UNC5C: variants seen among roughly 807,000 people sequenced by gnomAD.
UNC5C encodes the protein unc-5 netrin receptor C.
In UNC5C, 47 loss-of-function variants were observed where a neutral mutation model predicts 99.8. The observed-to-expected ratio is 0.47, with a 90% confidence interval of 0.37 to 0.60. The LOEUF is 0.60. UNC5C is among the 20% of genes least tolerant of loss of function. The pLI is 0.00. For synonymous variants in UNC5C, 487 were observed against 452.2 expected (o/e 1.08, Z -0.98); for missense variants, 1,062 against 1,165.9 (o/e 0.91, Z 1.30).
At chr4:95,192,426 C>T (rs1737180920) in intron 12 of UNC5C, among the ~76,000 whole-genome samples, 1 of 125,158 alleles carries the variant, frequency 8.0e-6, no homozygotes, top group Non-Finnish European at 1.7e-5. Flanking sequence ...TCACCTCCTC[C>T]CCTGTTCACC....
At chr4:95,423,363 G>A (rs761377109) in intron 1 of UNC5C, among the ~76,000 whole-genome samples, 4 of 152,186 alleles carry the variant, frequency 2.6e-5, no homozygotes, top group Non-Finnish European at 4.4e-5. Flanking sequence ...TTTCTGTATG[G>A]CAGGAGAAAG....
chr4:95,175,639 G>A (rs1030371124), intron 14 of UNC5C, among the ~76,000 whole-genome samples: 2 of 152,104 alleles, frequency 1.3e-5, no homozygotes, highest in Non-Finnish European at 2.9e-5. Flanking sequence ...GCTTCCCTTT[G>A]TGGGTAACCC....
At position 95,219,061 on chromosome 4, in the gene UNC5C, T is replaced by C. The variant is rs1344516387; in HGVS notation, c.1553A>G (p.Lys518Arg). Residue 518 changes from lysine to arginine, a missense_variant, in exon 9 of 16, where the codon AAG becomes AGG. This residue lies in a region of UNC5C where 810 missense variants were observed against 854.5 expected (regional missense o/e 0.95). Transcript: ENST00000453304. ...AGTCTGCCTTGCTAGACTCTGGTTC[T>C]TCAGGCTGAGGGCTTCATTCTCCAA... ...SLLENEALSLKNQSLARQTDP... is the reference protein window; with the variant it reads ...SLLENEALSLRNQSLARQTDP... The C allele has an allele frequency of 6.2e-7, 1 of 1,614,208 alleles. No individual in the cohort carries two copies. Among genetic ancestry groups the C allele is most frequent in the Admixed American group, 1.7e-5 (1 of 60,016 alleles).
At chr4:95,501,466 C>A (rs1035676030) in intron 1 of UNC5C, among the ~76,000 whole-genome samples, 1 of 152,032 alleles carries the variant, frequency 6.6e-6, no homozygotes, top group Non-Finnish European at 1.5e-5. Context: ...TTTTTTGTTA[C>A]TAATTAGCTT....
intron 4 of UNC5C, among the ~76,000 whole-genome samples, chr4:95,266,459 C>G (rs562124083): frequency 6.6e-6 from 1 of 152,284 alleles, no homozygotes; most frequent in East Asian, 1.9e-4. Context: ...AGGACTAGAG[C>G]ATATTGACAG....
At chr4:95,539,282 G>A (rs1044167634) in intron 1 of UNC5C, among the ~76,000 whole-genome samples, 3 of 152,142 alleles carry the variant, frequency 2.0e-5, no homozygotes, top group African/African-American at 7.2e-5. Flanking sequence ...TCTCCTCCAC[G>A]GCTTTGAAAC....
intron 11 of UNC5C, among the ~76,000 whole-genome samples, chr4:95,206,096 G>A (rs1189405594): frequency 3.3e-5 from 5 of 151,606 alleles, no homozygotes; most frequent in African/African-American, 9.7e-5. Flanking sequence ...CGCCTCCCGG[G>A]TTCAAGCGGT....
intron 2 of UNC5C, among the ~76,000 whole-genome samples, chr4:95,322,892 C>T (rs1316466966): frequency 6.8e-6 from 1 of 148,028 alleles, no homozygotes; most frequent in African/African-American, 2.5e-5. Flanking sequence ...GAGCCGAGAT[C>T]ATGCCACTGC....
chr4:95,167,966 T>C lies in UNC5C; in HGVS notation c.*1268A>G, dbSNP rs957658596. On this transcript the variant is annotated 3_prime_UTR_variant, in exon 16 of 16. Transcript: ENST00000453304. ...AGTGAGGACACTGAGGTCGTGTGGTTAAATGACTTTCTCAAGGTGGCGCAA... is the reference window on the plus strand; with the variant it reads ...AGTGAGGACACTGAGGTCGTGTGGTCAAATGACTTTCTCAAGGTGGCGCAA... 6.6e-6 allele frequency: 1 copy of C among 152,176 alleles called. No homozygotes were observed. Among genetic ancestry groups the C allele is most frequent in the African/African-American group, 2.4e-5 (1 of 41,440 alleles). The allele number at this position is 152,176 out of a possible 1,614,324, so 9.4% of individuals were successfully genotyped here.
chr4:95,205,758 A>T (rs1420801664), intron 11 of UNC5C, among the ~76,000 whole-genome samples: 2 of 152,194 alleles, frequency 1.3e-5, no homozygotes, highest in African/African-American at 4.8e-5. Context: ...GGGTTCTAAT[A>T]TAAAGAACTA....
intron 1 of UNC5C, among the ~76,000 whole-genome samples, chr4:95,373,778 G>T (rs191666984): frequency 6.6e-6 from 1 of 152,216 alleles, no homozygotes; most frequent in East Asian, 1.9e-4. Context: ...ATGTGGGAAG[G>T]GGGTGGCGAG....
chr4:95,376,657 C>T (rs1466348707), intron 1 of UNC5C, among the ~76,000 whole-genome samples: 2 of 152,068 alleles, frequency 1.3e-5, no homozygotes, highest in Non-Finnish European at 2.9e-5. Context: ...AAAATACAGT[C>T]ATTTGACATA....
At chr4:95,345,022 G>A (rs532093917) in intron 1 of UNC5C, among the ~76,000 whole-genome samples, 1 of 103,134 alleles carries the variant, frequency 9.7e-6, no homozygotes, top group Non-Finnish European at 2.3e-5. Context: ...ACTATGAATT[G>A]ATTAAACCAA....
intron 1 of UNC5C, among the ~76,000 whole-genome samples, chr4:95,484,861 A>C (rs1354508132): frequency 2.0e-5 from 3 of 151,852 alleles, no homozygotes; most frequent in Admixed American, 2.0e-4. Context: ...ATTCTGGATA[A>C]GTTTTGAAGG....
chr4:95,390,752 G>C (rs1268135030), intron 1 of UNC5C, among the ~76,000 whole-genome samples: 2 of 152,094 alleles, frequency 1.3e-5, no homozygotes, highest in East Asian at 3.9e-4. Context: ...CTTGACACAG[G>C]GTCTTGCTCT....
intron 7 of UNC5C, among the ~76,000 whole-genome samples, chr4:95,225,256 C>T (rs1738641002): frequency 6.6e-6 from 1 of 152,138 alleles, no homozygotes; most frequent in African/African-American, 2.4e-5. Context: ...GGGGTTTCAC[C>T]ATGTTGGCTA....
chr4:95,489,388 A>G (rs1721420165), intron 1 of UNC5C, among the ~76,000 whole-genome samples: 1 of 151,676 alleles, frequency 6.6e-6, no homozygotes, highest in Non-Finnish European at 1.5e-5. Context: ...TGGGAGGCAG[A>G]GAGAAGTGGG....
At chr4:95,459,389 C>G (rs1480614656) in intron 1 of UNC5C, among the ~76,000 whole-genome samples, 1 of 152,052 alleles carries the variant, frequency 6.6e-6, no homozygotes, top group Non-Finnish European at 1.5e-5. Context: ...GACTATTATT[C>G]CAGTAGTCAG....
intron 1 of UNC5C, among the ~76,000 whole-genome samples, chr4:95,435,094 T>C (rs534185788): frequency 1.2e-4 from 18 of 152,186 alleles, no homozygotes; most frequent in Admixed American, 1.0e-3. Context: ...TGGTTGGGAA[T>C]CACAAATTCC....
Sources: gnomAD v4.1 joint callset for allele counts (sites outside exome capture counted in the v4.1 genomes callset) on GRCh38, gnomAD v4.1.1 for gene constraint, gnomAD v4.1.1 regional missense constraint, MANE v1.5 for transcripts, NCBI Gene and HGNC (gene_info 2026-07-23, HGNC 2026-07-21) for gene names.